Variants in R3HDM2 observed in about 807,000 individuals in gnomAD.
R3HDM2 encodes the protein R3H domain-containing protein 2.
In R3HDM2, 38 loss-of-function variants were observed where a neutral mutation model predicts 124.5. The observed-to-expected ratio is 0.31, with a 90% CI of 0.24 to 0.40. R3HDM2 has a LOEUF of 0.40. Ranked by LOEUF, R3HDM2 falls within the 10% of genes least tolerant of loss-of-function variation. The probability of loss-of-function intolerance (pLI) is 1.00; values close to 1 mark genes in which losing one functional copy is unlikely to be tolerated. For synonymous variants in R3HDM2, 391 were observed against 448.0 expected (o/e 0.87, Z 1.61); for missense variants, 869 against 1,236.9 (o/e 0.70, Z 4.46).
intron 2 of R3HDM2, among the ~76,000 whole-genome samples, chr12:57,363,641 C>T (rs1448745227): frequency 6.6e-6 from 1 of 152,162 alleles, no homozygotes; most frequent in Non-Finnish European, 1.5e-5. Flanking sequence ...CTCATCTGAT[C>T]ATTACACATT....
rs913762282 is a variant in R3HDM2, at chr12:57,373,671, T to G, written c.-36+22078A>C. Among the ~76,000 whole-genome samples the G allele has an allele frequency of 1.0e-4, 15 of 148,976 alleles. No individual in the cohort carries two copies. The South Asian group carries it at 3.0e-3, about 30-fold the overall frequency. On this transcript the variant is annotated intron_variant, in intron 2 of 23. Coordinates refer to ENST00000402412, the MANE Select transcript of R3HDM2 (RefSeq NM_001394031.1). ...CTAAAAATACAAACTTAGCGGGGGG[T>G]GGTGGCGCATGCCTATTTGTAATCC...
intron 6 of R3HDM2, among the ~76,000 whole-genome samples, chr12:57,298,674 A>C (rs2050422818): frequency 6.6e-6 from 1 of 152,116 alleles, no homozygotes; most frequent in East Asian, 1.9e-4. Flanking sequence ...AAAAAAAAAA[A>C]AACCAGGCCA....
At chr12:57,370,794 G>C (rs1372647940) in intron 2 of R3HDM2, among the ~76,000 whole-genome samples, 4 of 152,116 alleles carry the variant, frequency 2.6e-5, no homozygotes, top group Non-Finnish European at 5.9e-5. Flanking sequence ...ATTTAGTCTA[G>C]TTTGACTTAG....
At chr12:57,348,022 C>A (rs1320595892) in intron 2 of R3HDM2, among the ~76,000 whole-genome samples, 1 of 152,140 alleles carries the variant, frequency 6.6e-6, no homozygotes, top group Admixed American at 6.6e-5. Flanking sequence ...GATGTTTCAT[C>A]CTAAGGAAGA....
In R3HDM2 at chr12:57,425,397, T is replaced by C. The variant is rs114745242; in HGVS notation, c.-106+5323A>G. Among the ~76,000 whole-genome samples the C allele has an allele frequency of 2.0e-3, 305 of 152,332 alleles. 2 individuals carry two copies. Among genetic ancestry groups the C allele is most frequent in the African/African-American group, 6.9e-3 (286 of 41,572 alleles). Reference sequence around the variant, plus strand: ...CAAATGCATAGCAGATCCCCAATTCTTGCACCTCCCATTAACTGTTCTCTC... The same window carrying C: ...CAAATGCATAGCAGATCCCCAATTCCTGCACCTCCCATTAACTGTTCTCTC... On this transcript the variant is annotated intron_variant, in intron 1 of 23. Coordinates refer to ENST00000402412, the MANE Select transcript of R3HDM2 (RefSeq NM_001394031.1).
At chr12:57,354,527 C>T (rs944818514) in intron 2 of R3HDM2, among the ~76,000 whole-genome samples, 4 of 151,382 alleles carry the variant, frequency 2.6e-5, no homozygotes, top group Admixed American at 2.0e-4. Flanking sequence ...CTCCTGGCCT[C>T]AAGTGATTCG....
In R3HDM2 at chr12:57,288,996, A is replaced by C. The variant is rs2048025041; in HGVS notation, c.938+13T>G. 5.2e-6 allele frequency: 8 copies of C among 1,549,290 alleles called. No homozygotes were observed. Among genetic ancestry groups the C allele is most frequent in the African/African-American group, 1.4e-5 (1 of 72,990 alleles). On this transcript the variant is annotated intron_variant, in intron 12 of 23. Transcript: ENST00000402412. ...CTCAATGAGAAGCAGGGAACATGCT[A>C]AGTGGTACTAACCTGATGTCATTTA...
intron 19 of R3HDM2, among the ~76,000 whole-genome samples, chr12:57,265,915 G>C (rs1416974524): frequency 6.6e-6 from 1 of 151,576 alleles, no homozygotes; most frequent in Non-Finnish European, 1.5e-5. Context: ...TTGTGCCTCA[G>C]CCTCCCAAGT....
intron 2 of R3HDM2, among the ~76,000 whole-genome samples, chr12:57,386,439 G>C (rs1388684148): frequency 6.6e-6 from 1 of 152,378 alleles, no homozygotes; most frequent in East Asian, 1.9e-4. Flanking sequence ...AGGGCAGTGA[G>C]GGGCTTAGCA....
intron 2 of R3HDM2, among the ~76,000 whole-genome samples, chr12:57,368,790 G>C (rs1173482523): frequency 6.6e-6 from 1 of 152,136 alleles, no homozygotes; most frequent in Non-Finnish European, 1.5e-5. Flanking sequence ...TCCCTTCACT[G>C]TAAGTATAAT....
At chr12:57,341,700 C>T (rs2136979430) in intron 2 of R3HDM2, among the ~76,000 whole-genome samples, 1 of 152,276 alleles carries the variant, frequency 6.6e-6, no homozygotes, top group East Asian at 1.9e-4. Flanking sequence ...AGGCTTATCA[C>T]ATTTAAAGAC....
At chr12:57,290,304 T>C (rs1163422189) in intron 11 of R3HDM2, among the ~76,000 whole-genome samples, 1 of 152,232 alleles carries the variant, frequency 6.6e-6, no homozygotes, top group Non-Finnish European at 1.5e-5. Flanking sequence ...TAGGTTACGA[T>C]GTCACTGGTA....
At chr12:57,359,063 G>A (rs761096079) in intron 2 of R3HDM2, among the ~76,000 whole-genome samples, 3 of 151,778 alleles carry the variant, frequency 2.0e-5, no homozygotes, top group Non-Finnish European at 4.4e-5. Flanking sequence ...GACTACAGGC[G>A]CCCATCACCA....
intron 21 of R3HDM2, 70 bp from the exon 22 acceptor site, chr12:57,256,581 G>A: frequency 6.8e-6 from 8 of 1,178,858 alleles, no homozygotes; most frequent in Non-Finnish European, 7.1e-6. Flanking sequence ...AGACTTCAAG[G>A]GGCTTTGGAG....
chr12:57,335,493 T>G (rs1426105173), intron 2 of R3HDM2, among the ~76,000 whole-genome samples: 2 of 26,406 alleles, frequency 7.6e-5, no homozygotes, highest in African/African-American at 2.1e-4. Flanking sequence ...CCCGGCCACC[T>G]TTTTTTTTTT....
At chr12:57,367,965 T>G (rs2062859920) in intron 2 of R3HDM2, among the ~76,000 whole-genome samples, 1 of 152,106 alleles carries the variant, frequency 6.6e-6, no homozygotes, top group Non-Finnish European at 1.5e-5. Context: ...TATTCAATAA[T>G]TCCAATACCT....
intron 2 of R3HDM2, among the ~76,000 whole-genome samples, chr12:57,312,091 G>A (rs2054036807): frequency 1.3e-5 from 2 of 152,184 alleles, no homozygotes; most frequent in South Asian, 4.1e-4. Flanking sequence ...AACTCTCCCA[G>A]ATGTCACATC....
At chr12:57,308,436 A>G (rs939704612) in intron 3 of R3HDM2, among the ~76,000 whole-genome samples, 3 of 147,942 alleles carry the variant, frequency 2.0e-5, no homozygotes, top group East Asian at 2.1e-4. Context: ...TGCAATCCCA[A>G]CACTTAGGGA....
At chr12:57,309,959 C>A (rs181154256) in intron 3 of R3HDM2, among the ~76,000 whole-genome samples, 1 of 152,192 alleles carries the variant, frequency 6.6e-6, no homozygotes, top group Non-Finnish European at 1.5e-5. Context: ...CACCTATAAT[C>A]CCAGCATTTT....
Sources: allele counts gnomAD v4.1 joint callset (sites outside exome capture counted in the v4.1 genomes callset), GRCh38; gene constraint gnomAD v4.1.1; transcripts MANE v1.5; gene names NCBI Gene and HGNC (gene_info 2026-07-23, HGNC 2026-07-21).